The following RNF213 variants were observed in gnomAD, a reference collection of about 807,000 sequenced individuals.
RNF213 encodes the protein ring finger protein 213.
RNF213 carries 341 observed loss-of-function variants against 514.4 expected under a neutral mutation model. The observed-to-expected ratio is 0.66, with a 90% CI of 0.61 to 0.73. The LOEUF (loss-of-function observed/expected upper bound fraction) is 0.73. RNF213 is among the 30% of genes least tolerant of loss of function. The pLI, the probability that RNF213 is intolerant of heterozygous loss-of-function variation, is 0.00. For synonymous variants in RNF213, 2,655 were observed against 2,658.2 expected (o/e 1.00, Z 0.04); for missense variants, 5,767 against 6,615.6 (o/e 0.87, Z 4.45).
chr17:80,270,318 A>G (rs2043777103), intron 2 of RNF213, among the ~76,000 whole-genome samples: 1 of 152,194 alleles, frequency 6.6e-6, no homozygotes. Context: ...GCTAGGCTGC[A>G]TGCTTGCACG....
At position 80,289,796 on chromosome 17, in the gene RNF213, G is replaced by A; in HGVS notation, c.1071G>A (p.Glu357=). 2 of 1,613,084 alleles carry A rather than the reference G, an allele frequency of 1.2e-6. No homozygotes were observed. The highest frequency in any genetic ancestry group is 1.7e-6 in the Non-Finnish European group (2 of 1,179,698). ...RSAAAVKNEK[E]QKNQEADVQE... is the part of the protein sequence containing the mutation. The stretch of plus-strand genomic sequence containing the variant: ...CAGCTGCTGTGAAAAACGAGAAGGA[G>A]CAAAAAAACCAGGAAGCAGATGTCC... Residue 357 remains glutamate (E), a synonymous_variant, in exon 6 of 68, where the codon GAG becomes GAA. Transcript: ENST00000582970.
At chr17:80,272,134 A>G (rs1237384266) in intron 2 of RNF213, among the ~76,000 whole-genome samples, 2 of 151,240 alleles carry the variant, frequency 1.3e-5, no homozygotes, top group Non-Finnish European at 2.9e-5. Context: ...AAACACAAAA[A>G]TTAGCCGGGT....
At chr17:80,387,940 T>A (rs1478529503) in intron 63 of RNF213, among the ~76,000 whole-genome samples, 1 of 149,844 alleles carries the variant, frequency 6.7e-6, no homozygotes, top group Admixed American at 6.7e-5. Context: ...CCAGGAACTG[T>A]GAGAGCCCAT....
rs1599067160 is a variant in RNF213, at chr17:80,343,902, C to T, written c.6229C>T (p.Gln2077Ter). The T allele has an allele frequency of 6.2e-7, 1 of 1,614,166 alleles. No individual in the cohort carries two copies. The highest frequency in any genetic ancestry group is 8.5e-7 in the Non-Finnish European group (1 of 1,180,026). ...WVFLFKLLILQYLMDINGKMW... is the reference protein window; with the variant it reads ...WVFLFKLLIL ...GTTTCTTTTCAAGCTCCTCATTTTA[C>T]AATACTTAATGGATATAAATGGGAA... Residue 2077 changes from glutamine (Q) to a stop codon, truncating the protein, a stop_gained, in exon 28 of 68, where the codon CAA (glutamine) becomes TAA (stop). Transcript: ENST00000582970. LOFTEE classifies it high-confidence loss of function. The surrounding 1 kb of genome is among the most constrained non-coding windows in gnomAD (Gnocchi z 4.3).
chr17:80,359,635 GTGAGAGAA>G (rs1185760512), intron 37 of RNF213, among the ~76,000 whole-genome samples: 1 of 151,520 alleles, frequency 6.6e-6, no homozygotes, highest in Non-Finnish European at 1.5e-5. Context: ...GAAAGAAAGA[GTGAGAGAA>G]AGAAAGAAAT....
Position 80,336,291 on chromosome 17 carries a change from C to T in RNF213, c.4440C>T (p.Asp1480=), listed in dbSNP as rs2077985342. The change falls in exon 23 of 68, where the codon GAC becomes GAT. Residue 1480 remains aspartate (D), a synonymous_variant. Transcript: ENST00000582970. The part of the protein sequence containing the change: ...QGYASLLFKL[D]PSVDFSAFMK... Reference sequence around the variant, plus strand: ...ACGCATCCCTGCTATTTAAGCTGGACCCCAGCGTGGACTTCAGTGCATTCA... The same window carrying T: ...ACGCATCCCTGCTATTTAAGCTGGATCCCAGCGTGGACTTCAGTGCATTCA... The T allele has an allele frequency of 6.5e-7, 1 of 1,537,248 alleles. No individual in the cohort carries two copies. The highest frequency in any genetic ancestry group is 1.4e-5 in the African/African-American group (1 of 73,164).
chr17:80,363,411 A>T lies in RNF213; in HGVS notation c.11568+97A>T, dbSNP rs897390487. 9.7e-6 allele frequency: 13 copies of T among 1,341,658 alleles called. 1 individual carries two copies. The Middle Eastern group carries it at 8.0e-4, about 83-fold the overall frequency. 83.1% of individuals were successfully genotyped at this position (1,341,658 alleles called of 1,614,324 possible). On this transcript the variant is annotated intron_variant, in intron 40 of 67. Transcript: ENST00000582970. ...TCTGGGGCTGTGTTCCAAGTGGGAG[A>T]TTTCTTCACAAGGCACATACCTTAG...
At chr17:80,298,228 G>A (rs1598951771) in intron 10 of RNF213, 93 bp from the exon 11 acceptor site, 1 of 1,304,498 alleles carries the variant, frequency 7.7e-7, no homozygotes, top group East Asian at 2.4e-5. Flanking sequence ...TGCTCTGTGT[G>A]CACGGTGCTT....
chr17:80,381,823 C>G, intron 57 of RNF213, 96 bp downstream of exon 57: 2 of 1,139,938 alleles, frequency 1.8e-6, no homozygotes, highest in South Asian at 2.6e-5. Context: ...CACAGCCAGT[C>G]TGAGCTCTGT....
At position 80,372,666 on chromosome 17, in the gene RNF213, A is replaced by G. The variant is rs755912665; in HGVS notation, c.12683A>G (p.Glu4228Gly). The G allele has an allele frequency of 3.1e-6, 5 of 1,613,898 alleles. No homozygotes were observed. The highest frequency in any genetic ancestry group is 1.3e-5 in the African/African-American group (1 of 74,894). The part of the protein sequence containing the change: ...ANEASVEYLQ[E>G]VARIRLCLDR... ...GAGGCCTCGGTTGAATACCTGCAAGAGGTGGCCCGGATCCGCCTCTGCCTC... is the reference window on the plus strand; with the variant it reads ...GAGGCCTCGGTTGAATACCTGCAAGGGGTGGCCCGGATCCGCCTCTGCCTC... The change falls in exon 48 of 68, where the codon GAG becomes GGG. Residue 4228 changes from glutamate (E) to glycine (G), a missense_variant. Glu to Gly is a moderately conservative substitution (Grantham distance 98). Around this residue, in one of 13 missense-constraint regions of RNF213, gnomAD observed 1,245 missense variants for 1,339.0 expected, o/e 0.93. Coordinates refer to ENST00000582970, the MANE Select transcript of RNF213 (RefSeq NM_001256071.3).
chr17:80,265,593 C>T (rs1010651620), intron 2 of RNF213, among the ~76,000 whole-genome samples: 1 of 152,172 alleles, frequency 6.6e-6, no homozygotes. Context: ...CTCAGGGATT[C>T]GATGTCTGGG....
At chr17:80,285,458 G>A (rs1489401454) in intron 3 of RNF213, among the ~76,000 whole-genome samples, 1 of 152,184 alleles carries the variant, frequency 6.6e-6, no homozygotes, top group African/African-American at 2.4e-5. Flanking sequence ...GACCCCACCT[G>A]CCAGGTCTCC....
chr17:80,333,980 C>G, intron 21 of RNF213, 125 bp from the exon 22 acceptor site: 6 of 1,084,770 alleles, frequency 5.5e-6, no homozygotes, highest in Non-Finnish European at 8.0e-6. Context: ...TGCCTGTTGT[C>G]ACAGCAGTGG....
At chr17:80,300,463 T>A (rs1316970540) in intron 11 of RNF213, among the ~76,000 whole-genome samples, 1 of 151,500 alleles carries the variant, frequency 6.6e-6, no homozygotes, top group Non-Finnish European at 1.5e-5. Context: ...AGGCTGTTCT[T>A]CAACTCCTGA....
rs891218101 is a variant in RNF213, at chr17:80,317,608, C to T, written c.2901+331C>T. On this transcript the variant is annotated intron_variant, in intron 16 of 67. Transcript: ENST00000582970. The surrounding 1 kb of genome is among the most constrained non-coding windows in gnomAD (Gnocchi z 4.1). ...GCTCAACCCCTTGTGGGAGGGAGCACGTGAGTGAGTGTGGCATCTGGCCAG... is the reference window on the plus strand; with the variant it reads ...GCTCAACCCCTTGTGGGAGGGAGCATGTGAGTGAGTGTGGCATCTGGCCAG... 1.3e-5 allele frequency among the ~76,000 whole-genome samples: 2 copies of T among 152,104 alleles called. No homozygotes were observed. The highest frequency in any genetic ancestry group is 2.4e-5 in the African/African-American group (1 of 41,424).
intron 15 of RNF213, chr17:80,316,510 G>A (rs7503341): frequency 0.54 from 84,142 of 156,980 alleles, 25,016 homozygotes; most frequent in Middle Eastern, 0.65. Context: ...TAAGTACAGC[G>A]TGTGTCCCAG....
chr17:80,309,223 C>G, intron 14 of RNF213, 52 bp downstream of exon 14: 2 of 1,606,204 alleles, frequency 1.2e-6, no homozygotes, highest in Non-Finnish European at 1.7e-6. Context: ...TGCGGAATTT[C>G]AAGCAGCCTC....
chr17:80,354,723 C>T (rs1023117106), intron 36 of RNF213, 147 bp downstream of exon 36: 4 of 1,030,148 alleles, frequency 3.9e-6, no homozygotes, highest in Non-Finnish European at 5.8e-6. Context: ...AAAGTTTTTC[C>T]CCAAGAAGCA....
intron 36 of RNF213, among the ~76,000 whole-genome samples, chr17:80,356,675 G>A (rs1200362120): frequency 3.3e-5 from 5 of 152,136 alleles, no homozygotes; most frequent in South Asian, 2.1e-4. Context: ...AACCAGGCTC[G>A]GCGGCTCCCG....
Sources: gnomAD v4.1 joint callset for allele counts (sites outside exome capture counted in the v4.1 genomes callset) on GRCh38, gnomAD v4.1.1 for gene constraint, gnomAD v4.1.1 regional missense constraint, Gnocchi (gnomAD v3.1) non-coding constraint, MANE v1.5 for transcripts, NCBI Gene and HGNC (gene_info 2026-07-23, HGNC 2026-07-21) for gene names.